THUMPD2: variants seen among roughly 807,000 people sequenced by gnomAD.
The protein encoded by THUMPD2 is U6 snRNA (guanine-N(2))-methyltransferase THUMPD2.
A neutral mutation model predicts 49.4 loss-of-function variants in THUMPD2; 56 were observed. The observed-to-expected ratio is 1.13, with a 90% CI of 0.91 to 1.41. The LOEUF is 1.41. Ranked by LOEUF, THUMPD2 falls within the 40% of genes most tolerant of loss-of-function variation. The probability of loss-of-function intolerance (pLI) is 0.00; values close to 1 mark genes in which losing one functional copy is unlikely to be tolerated. For missense variants in THUMPD2, 709 were observed against 594.5 expected, an observed-to-expected ratio of 1.19 and a Z score of -2.00; for synonymous variants, 237 against 205.2, an observed-to-expected ratio of 1.15 and a Z score of -1.32.
At chr2:39,779,265 T>C, upstream of THUMPD2, 1 of 1,443,072 alleles carries the variant, frequency 6.9e-7, no homozygotes, top group South Asian at 1.3e-5. Context: ...CCCTCGCGCC[T>C]TCGGGTCACG....
intron 8 of THUMPD2, among the ~76,000 whole-genome samples, chr2:39,748,686 C>CA (rs919480707): frequency 4.4e-4 from 64 of 145,420 alleles, no homozygotes; most frequent in African/African-American, 7.9e-4. Flanking sequence ...GAGTCTGTCT[C>CA]AAAAAAAAAC....
Position 39,771,560 on chromosome 2 carries a change from T to A in THUMPD2, c.207A>T (p.Arg69Ser). 6.2e-7 allele frequency: 1 copy of A among 1,607,756 alleles called. No individual in the cohort carries two copies. The highest frequency in any genetic ancestry group is 8.5e-7 in the Non-Finnish European group (1 of 1,178,168). ...ACTGCTTTTTAATCAGCAAAAATAA[T>A]CTTTCTGCAGATTTTAATTTCTTCA... ...NMLKKLKSAE[R>S]LFLLIKKQFP... is the part of the protein sequence containing the mutation. The change falls in exon 2 of 10, where the codon AGA becomes AGT. Residue 69 changes from arginine to serine, a missense_variant. By Grantham distance (110) the Arg-to-Ser change is moderately radical. Coordinates refer to ENST00000505747, the MANE Select transcript of THUMPD2 (RefSeq NM_025264.5).
intron 1 of THUMPD2, 123 bp downstream of exon 1, chr2:39,778,991 G>A: frequency 7.9e-7 from 1 of 1,261,352 alleles, no homozygotes; most frequent in Non-Finnish European, 1.0e-6. Context: ...CTCGGGGGTC[G>A]GCGACCGTCG....
At chr2:39,769,060 G>T in intron 3 of THUMPD2, 2 of 1,304,552 alleles carry the variant, frequency 1.5e-6, no homozygotes, top group Non-Finnish European at 2.0e-6. Flanking sequence ...TGCATTTGCA[G>T]TCTAGGTCCT....
At chr2:39,776,105 T>G (rs576823144) in intron 1 of THUMPD2, among the ~76,000 whole-genome samples, 3 of 152,200 alleles carry the variant, frequency 2.0e-5, no homozygotes, top group African/African-American at 7.2e-5. Context: ...TTACAATAAA[T>G]AGCAGTACTT....
intron 6 of THUMPD2, among the ~76,000 whole-genome samples, chr2:39,760,444 A>G (rs1676675927): frequency 6.6e-6 from 1 of 152,200 alleles, no homozygotes; most frequent in African/African-American, 2.4e-5. Context: ...AAAGAGAACA[A>G]TGAAATGATT....
Position 39,770,008 on chromosome 2 carries a change from A to T in THUMPD2, c.374T>A (p.Leu125His), listed in dbSNP as rs771496481. The change falls in exon 3 of 10, where the codon CTT becomes CAT. Residue 125 changes from leucine (L) to histidine (H), a missense_variant. Transcript: ENST00000505747. ...TAGTTGGTTATCATCTCTCTGAGAA[A>T]GTTTTTCCTTTTTTGCATCAAGTTC... ...LLELDAKKEKLSQRDDNQLKR... is the reference protein window; with the variant it reads ...LLELDAKKEKHSQRDDNQLKR... The T allele has an allele frequency of 2.5e-6, 4 of 1,576,252 alleles. No individual in the cohort carries two copies. The highest frequency in any genetic ancestry group is 3.4e-6 in the Non-Finnish European group (4 of 1,169,766).
intron 1 of THUMPD2, among the ~76,000 whole-genome samples, chr2:39,774,401 A>G (rs1678793715): frequency 6.6e-6 from 1 of 152,254 alleles, no homozygotes; most frequent in Non-Finnish European, 1.5e-5. Context: ...GAAATATGCT[A>G]TAGGAACTCT....
At chr2:39,751,747 C>T (rs966989810) in intron 8 of THUMPD2, among the ~76,000 whole-genome samples, 1 of 142,374 alleles carries the variant, frequency 7.0e-6, no homozygotes, top group Non-Finnish European at 1.5e-5. Flanking sequence ...TGCTGTGGCA[C>T]AATCTAGGGT....
At chr2:39,740,297 T>C (rs931118092) in intron 9 of THUMPD2, among the ~76,000 whole-genome samples, 4 of 152,232 alleles carry the variant, frequency 2.6e-5, no homozygotes, top group South Asian at 2.1e-4. Flanking sequence ...ATACATATAA[T>C]GTGGCAACCA....
At chr2:39,741,644 T>C (rs908024161) in intron 9 of THUMPD2, among the ~76,000 whole-genome samples, 3 of 152,220 alleles carry the variant, frequency 2.0e-5, no homozygotes, top group Admixed American at 6.5e-5. Flanking sequence ...GAGGAAATAA[T>C]TGAGCTGAGA....
At chr2:39,777,373 A>C (rs1269791318) in intron 1 of THUMPD2, among the ~76,000 whole-genome samples, 1 of 152,190 alleles carries the variant, frequency 6.6e-6, no homozygotes, top group Non-Finnish European at 1.5e-5. Flanking sequence ...AACTACATCC[A>C]ATGTTCCAGG....
intron 9 of THUMPD2, among the ~76,000 whole-genome samples, chr2:39,738,896 AAAAGAAACAGTGGCAGC>A (rs1199177164): frequency 6.6e-6 from 1 of 151,992 alleles, no homozygotes; most frequent in Admixed American, 6.6e-5. Flanking sequence ...GCTGTACAGG[AAAAGAAACAGTGGCAGC>A]TAAAGGACCA....
intron 6 of THUMPD2, among the ~76,000 whole-genome samples, chr2:39,758,047 G>C (rs540097700): frequency 6.6e-6 from 1 of 152,194 alleles, no homozygotes; most frequent in African/African-American, 2.4e-5. Context: ...TGTAGTCCCA[G>C]GGCAAATACA....
intron 8 of THUMPD2, among the ~76,000 whole-genome samples, 171 bp downstream of exon 8, chr2:39,755,124 A>C (rs1418232061): frequency 1.3e-5 from 2 of 151,836 alleles, no homozygotes; most frequent in Non-Finnish European, 2.9e-5. Context: ...CCAATTATGA[A>C]CACTTTGAAA....
At chr2:39,739,029 G>A (rs993214241) in intron 9 of THUMPD2, among the ~76,000 whole-genome samples, 2 of 152,248 alleles carry the variant, frequency 1.3e-5, no homozygotes, top group South Asian at 4.1e-4. Context: ...TCTCTAAATT[G>A]TATCACATAT....
chr2:39,766,139 G>A (rs1233623863), intron 4 of THUMPD2, 30 bp from the exon 5 acceptor site: 3 of 1,480,274 alleles, frequency 2.0e-6, no homozygotes, highest in South Asian at 2.6e-5. Context: ...AGTTAGAATG[G>A]AACAAGAAAC....
chr2:39,771,469 G>A, intron 2 of THUMPD2, 36 bp downstream of exon 2: 1 of 1,561,250 alleles, frequency 6.4e-7, no homozygotes. Flanking sequence ...AATGTATCAT[G>A]TGGGTAAAAG....
rs777333659 is a variant in THUMPD2, at chr2:39,775,148, T to C, written c.127-3508A>G. On this transcript the variant is annotated intron_variant, in intron 1 of 9. Coordinates refer to ENST00000505747, the MANE Select transcript of THUMPD2 (RefSeq NM_025264.5). The stretch of plus-strand genomic sequence containing the variant: ...TAAATGAGCTGGGCACAGTGGCATA[T>C]GCCTGTAGTCCAAGAGGCTACTCAG... Among the ~76,000 whole-genome samples the C allele has an allele frequency of 2.0e-5, 3 of 152,196 alleles. No homozygotes were observed. In the South Asian group the frequency reaches 6.2e-4, roughly 32 times the overall value.
Sources: gnomAD v4.1 joint callset for allele counts (sites outside exome capture counted in the v4.1 genomes callset) on GRCh38, gnomAD v4.1.1 for gene constraint, MANE v1.5 for transcripts, NCBI Gene and HGNC (gene_info 2026-07-23, HGNC 2026-07-21) for gene names.